Variants in WNT3A observed in about 807,000 individuals in gnomAD.
WNT3A encodes protein Wnt-3a.
WNT3A carries 17 observed loss-of-function variants against 37.0 expected under a neutral mutation model. That is an observed-to-expected ratio of 0.46 (90% CI 0.31 to 0.69). The LOEUF (loss-of-function observed/expected upper bound fraction) is 0.69. Ranked by LOEUF, WNT3A falls within the 30% of genes least tolerant of loss-of-function variation. WNT3A has a pLI of 0.05. For missense variants in WNT3A, 411 were observed against 510.2 expected, an observed-to-expected ratio of 0.81 and a Z score of 1.87; for synonymous variants, 187 against 211.0, an observed-to-expected ratio of 0.89 and a Z score of 0.99.
chr1:228,033,715 G>A (rs1279819072), intron 2 of WNT3A, among the ~76,000 whole-genome samples: 1 of 152,168 alleles, frequency 6.6e-6, no homozygotes, highest in Non-Finnish European at 1.5e-5. Context: ...TAGATTTTTA[G>A]AAATTGTGTT....
At chr1:228,024,940 A>G (rs1478209784) in intron 2 of WNT3A, among the ~76,000 whole-genome samples, 2 of 152,136 alleles carry the variant, frequency 1.3e-5, no homozygotes, top group African/African-American at 2.4e-5. Context: ...TTGAAAATCA[A>G]TTGGTCATAG....
chr1:228,059,865 G>C lies in WNT3A; in HGVS notation c.*400G>C. ...GTGGCTCTGGGTGGGCGGGGCACTAGGTAGGCTTCTACCTGCAGGCGGGGC... is the reference window on the plus strand; with the variant it reads ...GTGGCTCTGGGTGGGCGGGGCACTACGTAGGCTTCTACCTGCAGGCGGGGC... On this transcript the variant is annotated 3_prime_UTR_variant, in exon 4 of 4. Transcript: ENST00000284523. 1.9e-6 allele frequency: 2 copies of C among 1,060,248 alleles called. No individual in the cohort carries two copies. The highest frequency in any genetic ancestry group is 8.5e-5 in the East Asian group (1 of 11,714). 65.7% of individuals were successfully genotyped at this position (1,060,248 alleles called of 1,614,324 possible). A position where few individuals can be genotyped will look rare whatever the true frequency, so the allele number is the denominator to read the frequency against.
At position 228,037,812 on chromosome 1, in the gene WNT3A, G is replaced by C. The variant is rs2031181265; in HGVS notation, c.314-12844G>C. On this transcript the variant is annotated intron_variant, in intron 2 of 3. Transcript: ENST00000284523. This position sits in a 1 kb window ranked among gnomAD's most constrained non-coding sequence, Gnocchi z 4.1. Reference sequence around the variant, plus strand: ...GACGGCGACAAGATTAAGCACAAGGGGAGAGTGCAAATGCGCGGGCGGTTC... The same window carrying C: ...GACGGCGACAAGATTAAGCACAAGGCGAGAGTGCAAATGCGCGGGCGGTTC... Among the ~76,000 whole-genome samples, 1 of 152,238 alleles carries C rather than the reference G, an allele frequency of 6.6e-6. No individual in the cohort carries two copies. Among genetic ancestry groups the C allele is most frequent in the African/African-American group, 2.4e-5 (1 of 41,472 alleles).
intron 3 of WNT3A, among the ~76,000 whole-genome samples, chr1:228,054,844 G>C (rs1003554894): frequency 1.3e-5 from 2 of 150,932 alleles, no homozygotes; most frequent in Non-Finnish European, 3.0e-5. Flanking sequence ...ATTGCATCAG[G>C]AAACTAGAAA....
chr1:228,048,762 C>T (rs2102778571), intron 2 of WNT3A, among the ~76,000 whole-genome samples: 1 of 152,118 alleles, frequency 6.6e-6, no homozygotes, highest in South Asian at 2.1e-4. Context: ...CCAGGCCCAC[C>T]CCCTCTCCTC....
rs2031755791 is a variant in WNT3A at position 228,059,699 on chromosome 1, C to T, written c.*234C>T. 6.7e-6 allele frequency: 9 copies of T among 1,338,030 alleles called. No individual in the cohort carries two copies. The highest frequency in any genetic ancestry group is 2.1e-5 in the South Asian group (1 of 47,924). 82.9% of individuals were successfully genotyped at this position (1,338,030 alleles called of 1,614,324 possible). A position where few individuals can be genotyped will look rare whatever the true frequency, so the allele number is the denominator to read the frequency against. On this transcript the variant is annotated 3_prime_UTR_variant, in exon 4 of 4. Transcript: ENST00000284523. ...GCTGCTCCTGAATGAGGCGGAGCTC[C>T]AGGATGGGGAGGGGCTCTGCGTTGG...
chr1:228,015,600 C>A (rs1295619822), intron 1 of WNT3A, among the ~76,000 whole-genome samples: 2 of 152,194 alleles, frequency 1.3e-5, no homozygotes. Context: ...CCTGCCCCTG[C>A]TGTTCCCACC....
chr1:228,023,865 T>C (rs1168763751), intron 2 of WNT3A, among the ~76,000 whole-genome samples: 1 of 152,230 alleles, frequency 6.6e-6, no homozygotes, highest in Admixed American at 6.5e-5. Flanking sequence ...CCCGCCTGCC[T>C]TCTCCCCTGT....
chr1:228,049,764 T>C (rs1181577139), intron 2 of WNT3A, among the ~76,000 whole-genome samples: 1 of 152,204 alleles, frequency 6.6e-6, no homozygotes, highest in East Asian at 1.9e-4. Flanking sequence ...GTCGACCATC[T>C]TTCCAGGTGC....
At chr1:228,056,375 A>T (rs1197198764) in intron 3 of WNT3A, among the ~76,000 whole-genome samples, 1 of 152,242 alleles carries the variant, frequency 6.6e-6, no homozygotes, top group African/African-American at 2.4e-5. Flanking sequence ...TCCCCAAAAG[A>T]TAAAACACTA....
Position 228,008,604 on chromosome 1 carries a change from C to T in WNT3A, c.71+1405C>T, listed in dbSNP as rs2030274367. ...GCCCACCTGAGGGTCAGGCTCGGGG[C>T]TCGCCTTGGGGTGCGGGGATACTGA... is the stretch of plus-strand genomic sequence containing the variant. On this transcript the variant is annotated intron_variant, in intron 1 of 3. Coordinates refer to ENST00000284523, the MANE Select transcript of WNT3A (RefSeq NM_033131.4). The surrounding 1 kb of genome is among the most constrained non-coding windows in gnomAD (Gnocchi z 4.9). Among the ~76,000 whole-genome samples the T allele has an allele frequency of 6.6e-6, 1 of 152,130 alleles. No individual in the cohort carries two copies. The highest frequency in any genetic ancestry group is 2.1e-4 in the South Asian group (1 of 4,836).
intron 3 of WNT3A, among the ~76,000 whole-genome samples, chr1:228,055,112 CAGTTTTTTTTTTGGAAACTGGG>C (rs2031645521): frequency 8.4e-6 from 1 of 118,484 alleles, no homozygotes; most frequent in Admixed American, 9.8e-5. Context: ...CCAGCCTGGG[CAGTTTTTTTTTTGGAAACTGGG>C]AGTTTTTTTT....
Position 228,059,660 on chromosome 1 carries a change from T to C in WNT3A, c.*195T>C. 1.5e-6 allele frequency: 2 copies of C among 1,365,018 alleles called. No individual in the cohort carries two copies. Among genetic ancestry groups the C allele is most frequent in the Non-Finnish European group, 1.9e-6 (2 of 1,067,096 alleles). 84.6% of individuals were successfully genotyped at this position (1,365,018 alleles called of 1,614,324 possible). On this transcript the variant is annotated 3_prime_UTR_variant, in exon 4 of 4. Coordinates refer to ENST00000284523, the MANE Select transcript of WNT3A (RefSeq NM_033131.4). ...GCTCCTCCCTGGAGCTAGTGTCTCC[T>C]CTCTGGTGGCTGGGCTGCTCCTGAA...
intron 3 of WNT3A, among the ~76,000 whole-genome samples, chr1:228,055,189 T>A (rs1167025879): frequency 1.2e-3 from 52 of 43,682 alleles, no homozygotes; most frequent in African/African-American, 3.3e-3. Flanking sequence ...AATATATATA[T>A]ATATATATAT....
At chr1:228,021,344 A>G (rs1051222751) in intron 1 of WNT3A, among the ~76,000 whole-genome samples, 1 of 152,256 alleles carries the variant, frequency 6.6e-6, no homozygotes, top group African/African-American at 2.4e-5. Flanking sequence ...TGCCAAAAGC[A>G]GAGCACAGCC....
intron 1 of WNT3A, among the ~76,000 whole-genome samples, chr1:228,009,528 T>C (rs935014686): frequency 2.0e-5 from 3 of 152,154 alleles, no homozygotes; most frequent in Non-Finnish European, 4.4e-5. Context: ...CCTTGGCCCC[T>C]GCCAGGTGGG....
intron 2 of WNT3A, among the ~76,000 whole-genome samples, chr1:228,047,463 G>T (rs1390370691): frequency 2.6e-5 from 4 of 152,208 alleles, no homozygotes; most frequent in Middle Eastern, 3.4e-3. Flanking sequence ...CCGTGTGGGA[G>T]CGTCTGAGTG....
Position 228,060,154 on chromosome 1 carries a change from G to A in WNT3A, c.*689G>A. On this transcript the variant is annotated 3_prime_UTR_variant, in exon 4 of 4. Transcript: ENST00000284523. ...GGGCGGGGCTTCTCTCCGCGGGTGG[G>A]ACTCTTCCCTGGGAACCGCCCTCCT... 1 of 1,349,426 alleles carries A rather than the reference G, an allele frequency of 7.4e-7. No individual in the cohort carries two copies. The allele number at this position is 1,349,426 out of a possible 1,614,324, so 83.6% of individuals were successfully genotyped here. A position where few individuals can be genotyped will look rare whatever the true frequency, so the allele number is the denominator to read the frequency against.
At chr1:228,043,278 G>A (rs965656473) in intron 2 of WNT3A, among the ~76,000 whole-genome samples, 8 of 152,164 alleles carry the variant, frequency 5.3e-5, no homozygotes, top group African/African-American at 1.9e-4. Flanking sequence ...TGATTGCTGT[G>A]TTAGAATAAA....
Sources: gnomAD v4.1 joint callset for allele counts (sites outside exome capture counted in the v4.1 genomes callset) on GRCh38, gnomAD v4.1.1 for gene constraint, Gnocchi (gnomAD v3.1) non-coding constraint, MANE v1.5 for transcripts, NCBI Gene and HGNC (gene_info 2026-07-23, HGNC 2026-07-21) for gene names.